Variants in ESR1 observed in about 807,000 individuals in gnomAD.
The protein encoded by ESR1 is estrogen receptor 1.
In ESR1, 12 loss-of-function variants were observed where a neutral mutation model predicts 52.7. The ratio of observed to expected loss-of-function variants is 0.23; its 90% CI spans 0.15 to 0.37. The LOEUF is 0.37. Among genes scored for constraint, ESR1 ranks in the 10% least tolerant of loss-of-function variants. ESR1 has a pLI of 1.00. For synonymous variants in ESR1, 305 were observed against 316.8 expected (o/e 0.96, Z 0.39); for missense variants, 584 against 779.7 (o/e 0.75, Z 2.99).
chr6:152,076,994 A>G (rs1382223260), intron 6 of ESR1, among the ~76,000 whole-genome samples: 1 of 152,232 alleles, frequency 6.6e-6, no homozygotes, highest in Non-Finnish European at 1.5e-5. Context: ...TGCATAAGTA[A>G]CAAGGAGCCA....
chr6:151,813,649 A>G (rs895640748), intron 1 of ESR1, among the ~76,000 whole-genome samples: 4 of 152,088 alleles, frequency 2.6e-5, no homozygotes, highest in Non-Finnish European at 5.9e-5. Flanking sequence ...AGCAAGACTG[A>G]AAATTTTTTG....
At chr6:151,862,209 A>T (rs916413322) in intron 2 of ESR1, among the ~76,000 whole-genome samples, 2 of 152,216 alleles carry the variant, frequency 1.3e-5, no homozygotes, top group African/African-American at 4.8e-5. Flanking sequence ...AAGGTATGTA[A>T]GAAACAAAAC....
chr6:151,772,631 GA>G (rs1182020393), intron 2 of ESR1, among the ~76,000 whole-genome samples: 1 of 152,206 alleles, frequency 6.6e-6, no homozygotes, highest in Non-Finnish European at 1.5e-5. Flanking sequence ...GAAGGGCCAA[GA>G]AGGATGGGAG....
At chr6:151,987,758 C>T (rs1354107228) in intron 4 of ESR1, among the ~76,000 whole-genome samples, 1 of 152,082 alleles carries the variant, frequency 6.6e-6, no homozygotes, top group Non-Finnish European at 1.5e-5. Context: ...GTTGATAGCA[C>T]TTTTAAGAAT....
intron 1 of ESR1, among the ~76,000 whole-genome samples, chr6:151,674,542 C>T (rs1345385939): frequency 1.3e-5 from 2 of 151,984 alleles, no homozygotes; most frequent in Non-Finnish European, 2.9e-5. Context: ...TAGTATATAC[C>T]CAGTAATGGG....
chr6:151,683,334 G>A (rs1399792663), intron 1 of ESR1, among the ~76,000 whole-genome samples: 1 of 151,904 alleles, frequency 6.6e-6, no homozygotes, highest in Non-Finnish European at 1.5e-5. Flanking sequence ...AGAGTCTGCT[G>A]TTTCTGTTGC....
chr6:152,109,218 A>G (rs2051102289), intron 6 of ESR1, among the ~76,000 whole-genome samples: 1 of 152,226 alleles, frequency 6.6e-6, no homozygotes, highest in African/African-American at 2.4e-5. Context: ...CCCACCTCCA[A>G]CACTAGGGAT....
At chr6:151,778,240 G>C (rs1329345568) in intron 2 of ESR1, among the ~76,000 whole-genome samples, 1 of 152,114 alleles carries the variant, frequency 6.6e-6, no homozygotes, top group African/African-American at 2.4e-5. Context: ...GTGACCAAAG[G>C]TGGAAAGGAA....
At position 151,735,842 on chromosome 6, in the gene ESR1, G is replaced by C. The variant is rs1046900129; in HGVS notation, c.-71+33837G>C. The stretch of plus-strand genomic sequence containing the variant: ...TCAAGGGAGGTACCTGGTGGGAGGT[G>C]ATTGGATCATGGGGGGCAATTCCCC... On this transcript the variant is annotated intron_variant, in intron 2 of 2. Transcript: ENST00000404742. 3.3e-5 allele frequency among the ~76,000 whole-genome samples: 5 copies of C among 152,274 alleles called. No homozygotes were observed. The East Asian group carries it at 9.6e-4, about 29-fold the overall frequency.
intron 1 of ESR1, 46 bp downstream of exon 1, chr6:151,808,410 AGGAG>A (rs58440257): frequency 7.8e-3 from 2,239 of 288,878 alleles, no homozygotes; most frequent in Middle Eastern, 0.014. Flanking sequence ...CGCGCCCGGC[AGGAG>A]GGAGGGAGGG....
chr6:151,903,770 T>G (rs1348448101), intron 3 of ESR1, among the ~76,000 whole-genome samples: 1 of 152,206 alleles, frequency 6.6e-6, no homozygotes, highest in Admixed American at 6.5e-5. Context: ...GCATGTGATG[T>G]ATCTTTGTTT....
chr6:151,864,793 A>G (rs1314143429), intron 2 of ESR1, among the ~76,000 whole-genome samples: 8 of 152,144 alleles, frequency 5.3e-5, no homozygotes, highest in African/African-American at 9.6e-5. Context: ...TTGTAGGGAC[A>G]TGGATGAAGC....
At chr6:152,125,570 A>T (rs1400767830) in exon 7 of ESR1, 5 of 515,664 alleles carry the variant, frequency 9.7e-6, no homozygotes, top group African/African-American at 3.8e-5. Flanking sequence ...TCTTCAAAAC[A>T]TCCTTCCCCT....
chr6:152,033,754 G>C (rs142214069), intron 5 of ESR1, among the ~76,000 whole-genome samples: 3 of 152,218 alleles, frequency 2.0e-5, no homozygotes, highest in South Asian at 2.1e-4. Flanking sequence ...CAGGGATCTA[G>C]AACTAGAAAT....
At chr6:151,872,102 G>A (rs1392641676) in intron 2 of ESR1, among the ~76,000 whole-genome samples, 2 of 152,182 alleles carry the variant, frequency 1.3e-5, no homozygotes, top group Admixed American at 6.5e-5. Flanking sequence ...ACACCTCAAA[G>A]CGGAATTGTT....
chr6:152,052,275 A>G (rs1474196484), intron 5 of ESR1, among the ~76,000 whole-genome samples: 1 of 152,110 alleles, frequency 6.6e-6, no homozygotes, highest in Non-Finnish European at 1.5e-5. Flanking sequence ...ACCTCCCACC[A>G]TGCCCCACCT....
chr6:151,985,943 A>G (rs541996799), intron 4 of ESR1, among the ~76,000 whole-genome samples: 21 of 152,306 alleles, frequency 1.4e-4, no homozygotes, highest in African/African-American at 4.8e-4. Flanking sequence ...TGCTGGGATT[A>G]CAGGTGTGAG....
chr6:151,741,172 A>G (rs889274816), intron 2 of ESR1, among the ~76,000 whole-genome samples: 2 of 152,166 alleles, frequency 1.3e-5, no homozygotes, highest in Admixed American at 6.5e-5. Context: ...TTCTGGTATC[A>G]TAACTGTCTT....
chr6:151,813,274 T>A (rs1485730475), intron 1 of ESR1: 1 of 152,148 alleles, frequency 6.6e-6, no homozygotes, highest in African/African-American at 2.4e-5. Context: ...TGACACAATT[T>A]TATGTAGTTT....
Sources: gnomAD v4.1 joint callset for allele counts (sites outside exome capture counted in the v4.1 genomes callset) on GRCh38, gnomAD v4.1.1 for gene constraint, MANE v1.5 for transcripts, NCBI Gene and HGNC (gene_info 2026-07-23, HGNC 2026-07-21) for gene names.